Variants in H2BC18 observed in about 807,000 individuals in gnomAD.
H2BC18 encodes the protein histone H2B type 2-F.
Under a neutral mutation model 6.3 loss-of-function variants are expected in H2BC18, and 8 were observed. The observed-to-expected ratio is 1.28, with a 90% CI of 0.75 to 2.31. The LOEUF (loss-of-function observed/expected upper bound fraction) is 2.31. Among genes scored for constraint, H2BC18 ranks in the 30% most tolerant of loss-of-function variants. The pLI, the probability that H2BC18 is intolerant of heterozygous loss-of-function variation, is 0.00. For synonymous variants in H2BC18, 104 were observed against 78.1 expected (o/e 1.33, Z -1.75); for missense variants, 106 against 174.5 (o/e 0.61, Z 2.21).
At chr1:149,791,704 G>A in intron 1 of H2BC18, 2 of 771,462 alleles carry the variant, frequency 2.6e-6, no homozygotes. Flanking sequence ...CATCAAAGAT[G>A]ACTTGAAATG....
chr1:149,799,603 A>C (rs1356688560), intron 1 of H2BC18, among the ~76,000 whole-genome samples: 1 of 152,228 alleles, frequency 6.6e-6, no homozygotes, highest in Non-Finnish European at 1.5e-5. Flanking sequence ...TGCAGTGCAC[A>C]ATCAGCAAAT....
chr1:149,809,757 T>C (rs1180697495), downstream of H2BC18, among the ~76,000 whole-genome samples: 1 of 148,776 alleles, frequency 6.7e-6, no homozygotes, highest in African/African-American at 2.6e-5. Flanking sequence ...GACTTCCCTG[T>C]GAACTACAAT....
chr1:149,804,080 G>C (rs1405746343), intron 1 of H2BC18: 2 of 151,936 alleles, frequency 1.3e-5, no homozygotes, highest in African/African-American at 4.8e-5. Flanking sequence ...TTCTTCTTTT[G>C]GCTGTAAGTC....
In H2BC18 at chr1:149,796,942, T is replaced by C. The variant is rs2091806740; in HGVS notation, c.378-13682A>G. Among the ~76,000 whole-genome samples the C allele has an allele frequency of 2.6e-5, 4 of 152,352 alleles. No homozygotes were observed. The South Asian group carries it at 8.3e-4, about 32-fold the overall frequency. ...TTTGTTTGTTTTTTGAGACAGAGTT[T>C]CGTTGTGTCACCCAGGCTGGAGTGC... On this transcript the variant is annotated intron_variant, in intron 1 of 1. Transcript: ENST00000545683.
intron 1 of H2BC18, among the ~76,000 whole-genome samples, chr1:149,802,517 G>A (rs1489139350): frequency 3.3e-5 from 5 of 152,084 alleles, no homozygotes; most frequent in African/African-American, 9.7e-5. Flanking sequence ...AACTAATAGG[G>A]GAGACATATA....
chr1:149,805,062 G>A (rs1415102652), intron 1 of H2BC18, among the ~76,000 whole-genome samples: 5 of 152,316 alleles, frequency 3.3e-5, no homozygotes, highest in Non-Finnish European at 4.4e-5. Flanking sequence ...GCCACGTTAT[G>A]TGTATTCTTT....
chr1:149,792,584 G>C, intron 1 of H2BC18: 3 of 1,197,402 alleles, frequency 2.5e-6, no homozygotes, highest in Non-Finnish European at 3.2e-6. Flanking sequence ...GTCGCGCTCC[G>C]AGCGTGTCCC....
downstream of H2BC18, among the ~76,000 whole-genome samples, chr1:149,810,056 A>T (rs1257173505): frequency 2.6e-5 from 4 of 151,190 alleles, no homozygotes; most frequent in Non-Finnish European, 4.4e-5. Flanking sequence ...ATAATAAATG[A>T]TGGCATTTGT....
Position 149,800,957 on chromosome 1 carries a change from A to C in H2BC18, c.377+10990T>G, listed in dbSNP as rs654368. Among the ~76,000 whole-genome samples the C allele has an allele frequency of 3.7e-3, 560 of 152,286 alleles. 3 individuals carry two copies. Among genetic ancestry groups the C allele is most frequent in the African/African-American group, 0.013 (533 of 41,552 alleles). On this transcript the variant is annotated intron_variant, in intron 1 of 1. Coordinates refer to the H2BC18 transcript ENST00000545683. ...AAAAATTAGCTGGTTGTGGTGGTAC[A>C]TGCCTGTGGTCCCAACTACTAGGGA... is the stretch of plus-strand genomic sequence containing the variant.
rs1243564560 is a variant in H2BC18, at chr1:149,792,322, T to C, written c.378-9062A>G. 47 of 304,160 alleles carry C rather than the reference T, an allele frequency of 1.5e-4. 1 individual carries two copies. In the South Asian group the frequency reaches 1.7e-3, roughly 11 times the overall value. The allele number at this position is 304,160 out of a possible 1,614,324, so 18.8% of individuals were successfully genotyped here. On this transcript the variant is annotated intron_variant, in intron 1 of 1. Transcript: ENST00000545683. Reference sequence around the variant, plus strand: ...CGGCGATACCATAGAGTCCAGATCTTGCCTCCAGAGATTTGCTTTACCTTC... The same window carrying C: ...CGGCGATACCATAGAGTCCAGATCTCGCCTCCAGAGATTTGCTTTACCTTC...
chr1:149,801,298 A>G (rs1388221291), intron 1 of H2BC18, among the ~76,000 whole-genome samples: 2 of 150,194 alleles, frequency 1.3e-5, no homozygotes, highest in African/African-American at 2.5e-5. Flanking sequence ...ATCTTTGTCA[A>G]TTTTTTATCA....
chr1:149,792,583 C>T lies in H2BC18; in HGVS notation c.378-9323G>A, dbSNP rs1553752123. The T allele has an allele frequency of 7.5e-6, 9 of 1,195,838 alleles. No individual in the cohort carries two copies. The South Asian group carries it at 9.0e-5, about 12-fold the overall frequency. The allele number at this position is 1,195,838 out of a possible 1,614,324, so 74.1% of individuals were successfully genotyped here. On this transcript the variant is annotated intron_variant, in intron 1 of 1. Coordinates refer to the H2BC18 transcript ENST00000545683. Reference sequence around the variant, plus strand: ...AATGATGGGATGGGGCGTCGCGCTCCGAGCGTGTCCCGCGGCGGGCCCCTG... The same window carrying T: ...AATGATGGGATGGGGCGTCGCGCTCTGAGCGTGTCCCGCGGCGGGCCCCTG...
At chr1:149,798,970 TCTTA>T (rs2091831365) in intron 1 of H2BC18, among the ~76,000 whole-genome samples, 1 of 146,200 alleles carries the variant, frequency 6.8e-6, no homozygotes, top group East Asian at 2.0e-4. Flanking sequence ...ATAACATAAA[TCTTA>T]CTTAGCTTGT....
In H2BC18 at chr1:149,791,432, TAGA is replaced by T. The variant is rs1553751880; in HGVS notation, c.378-8175_378-8173del. The T allele has an allele frequency of 4.4e-6, 7 of 1,606,282 alleles. 1 individual carries two copies. Among genetic ancestry groups the T allele is most frequent in the African/African-American group, 1.4e-5 (1 of 72,738 alleles). On this transcript the variant is annotated intron_variant, in intron 1 of 1. Transcript: ENST00000545683. ...TCCAGCCTTCAAGAAGACAGACATT[TAGA>T]AGAAGAGCTGAAATGTCAGGAACAA... is the stretch of plus-strand genomic sequence containing the variant.
chr1:149,812,128 A>G lies in H2BC18; in HGVS notation c.196T>C (p.Phe66Leu). ...SSKAMGIMNS[F>L]VNDIFERIAG... is the part of the protein sequence containing the mutation. ...ATGCGCTCGAAGATGTCGTTGACGA[A>G]GGAGTTCATGATGCCCATGGCCTTG... The change falls in exon 1 of 1, where the codon TTC becomes CTC. Residue 66 changes from phenylalanine to leucine, a missense_variant. This residue lies in a region of H2BC18 where 35 missense variants were observed against 72.3 expected (regional missense o/e 0.48). Transcript: ENST00000369167. The G allele has an allele frequency of 6.2e-7, 1 of 1,614,264 alleles. No homozygotes were observed. The highest frequency in any genetic ancestry group is 8.5e-7 in the Non-Finnish European group (1 of 1,180,050).
rs1553751098 is a variant in H2BC18, at chr1:149,788,404, G to C, written c.378-5144C>G. ...GCAGGTCTCCAGCAGAGTCTTCACG[G>C]AAGGAGAACCTCTGGCCTTGAGGTG... On this transcript the variant is annotated intron_variant, in intron 1 of 1. Transcript: ENST00000545683. The C allele has an allele frequency of 1.9e-6, 3 of 1,613,452 alleles. No homozygotes were observed. The South Asian group carries it at 3.3e-5, about 18-fold the overall frequency.
chr1:149,804,370 C>T (rs1469397936), intron 1 of H2BC18, among the ~76,000 whole-genome samples: 1 of 152,142 alleles, frequency 6.6e-6, no homozygotes, highest in African/African-American at 2.4e-5. Context: ...TATTATTTTC[C>T]TAATGGGCCA....
At chr1:149,804,754 G>C (rs587605773) in intron 1 of H2BC18, among the ~76,000 whole-genome samples, 76 of 152,264 alleles carry the variant, frequency 5.0e-4, no homozygotes, top group Non-Finnish European at 7.5e-4. Flanking sequence ...AATAACTTGA[G>C]GATCAATTTG....
intron 1 of H2BC18, chr1:149,786,782 A>T (rs1553750885): frequency 6.6e-6 from 1 of 152,180 alleles, no homozygotes; most frequent in Admixed American, 6.5e-5. Flanking sequence ...TTTATTCATG[A>T]ATTACTTAGA....
Sources: gnomAD v4.1 joint callset for allele counts (sites outside exome capture counted in the v4.1 genomes callset) on GRCh38, gnomAD v4.1.1 for gene constraint, gnomAD v4.1.1 regional missense constraint, MANE v1.5 for transcripts, NCBI Gene and HGNC (gene_info 2026-07-23, HGNC 2026-07-21) for gene names.